SPIDR: variants seen among roughly 807,000 people sequenced by gnomAD.
SPIDR encodes scaffold protein involved in DNA repair, also known as DNA repair-scaffolding protein.
SPIDR carries 93 observed loss-of-function variants against 104.6 expected under a neutral mutation model. The observed-to-expected ratio is 0.89, with a 90% CI of 0.75 to 1.06. SPIDR has a LOEUF of 1.06. SPIDR is among the 50% of genes least tolerant of loss of function. SPIDR has a pLI of 0.00. For synonymous variants in SPIDR, 431 were observed against 416.9 expected, an observed-to-expected ratio of 1.03 and a Z score of -0.41; for missense variants, 1,154 against 1,111.2, an observed-to-expected ratio of 1.04 and a Z score of -0.55.
At chr8:47,641,230 G>T (rs2068925966) in intron 10 of SPIDR, among the ~76,000 whole-genome samples, 1 of 151,958 alleles carries the variant, frequency 6.6e-6, no homozygotes, top group African/African-American at 2.4e-5. Context: ...CATGATCATA[G>T]CTTACGGCAC....
chr8:47,371,314 A>G (rs1046677936), intron 5 of SPIDR, among the ~76,000 whole-genome samples: 5 of 152,130 alleles, frequency 3.3e-5, no homozygotes, highest in Admixed American at 1.3e-4. Context: ...AGCATGGACA[A>G]CCTGGGCTCA....
At chr8:47,335,712 A>G (rs1007800442) in intron 5 of SPIDR, among the ~76,000 whole-genome samples, 9 of 152,270 alleles carry the variant, frequency 5.9e-5, no homozygotes, top group Non-Finnish European at 8.8e-5. Flanking sequence ...CGGCCTCCCA[A>G]AGTGGGGATT....
intron 5 of SPIDR, among the ~76,000 whole-genome samples, chr8:47,348,271 T>G (rs1306526853): frequency 1.3e-5 from 2 of 152,220 alleles, no homozygotes; most frequent in Non-Finnish European, 2.9e-5. Context: ...TGTTGAATAT[T>G]GGCCCCCACT....
intron 16 of SPIDR, among the ~76,000 whole-genome samples, chr8:47,721,073 A>G (rs558247179): frequency 1.3e-5 from 2 of 152,160 alleles, no homozygotes; most frequent in Non-Finnish European, 2.9e-5. Flanking sequence ...CATACTCTTA[A>G]TAAGTCTTTT....
At chr8:47,445,478 GAC>G (rs1159663023) in intron 8 of SPIDR, among the ~76,000 whole-genome samples, 18 of 152,232 alleles carry the variant, frequency 1.2e-4, no homozygotes, top group African/African-American at 4.3e-4. Context: ...TATTCCATGA[GAC>G]ACAACAGTAT....
At chr8:47,411,387 G>A (rs190698173) in intron 7 of SPIDR, among the ~76,000 whole-genome samples, 2,744 of 152,268 alleles carry the variant, frequency 0.018, 83 homozygotes, top group African/African-American at 0.064. Context: ...TTGTGGTTTC[G>A]ATTTGCATTT....
At chr8:47,660,463 A>G (rs1231152930) in intron 10 of SPIDR, 2 of 985,318 alleles carry the variant, frequency 2.0e-6, no homozygotes, top group Non-Finnish European at 2.4e-6. Context: ...CTCATGGCTC[A>G]GAAATGCACA....
At chr8:47,593,759 C>T (rs1363874553) in intron 8 of SPIDR, among the ~76,000 whole-genome samples, 1 of 152,190 alleles carries the variant, frequency 6.6e-6, no homozygotes, top group African/African-American at 2.4e-5. Context: ...CTCCTTGTTC[C>T]TGCTGGGCAG....
At chr8:47,422,275 C>A (rs2065635837) in intron 7 of SPIDR, among the ~76,000 whole-genome samples, 1 of 152,162 alleles carries the variant, frequency 6.6e-6, no homozygotes, top group African/African-American at 2.4e-5. Flanking sequence ...AGCTTCCTGG[C>A]TGCTTTGTTT....
intron 10 of SPIDR, among the ~76,000 whole-genome samples, chr8:47,606,165 G>A (rs1376421575): frequency 2.6e-5 from 4 of 152,126 alleles, no homozygotes; most frequent in Non-Finnish European, 4.4e-5. Flanking sequence ...TAATGCTGGG[G>A]CCAGTGTTGA....
chr8:47,414,932 C>T (rs943785311), intron 7 of SPIDR, among the ~76,000 whole-genome samples: 1 of 152,062 alleles, frequency 6.6e-6, no homozygotes, highest in Non-Finnish European at 1.5e-5. Flanking sequence ...GAGGCAGAGT[C>T]TCGCTCTGTT....
intron 10 of SPIDR, among the ~76,000 whole-genome samples, chr8:47,646,564 A>G (rs72646372): frequency 0.12 from 18,603 of 152,276 alleles, 1,696 homozygotes; most frequent in African/African-American, 0.23. Flanking sequence ...GTAGAATACT[A>G]TGCAGCTCTC....
In SPIDR at chr8:47,279,984, T is replaced by A; in HGVS notation, c.156T>A (p.Cys52Ter). ...AASLSEAWLRCGEGFQNTSGN... is the reference protein window; with the variant it reads ...AASLSEAWLR ...CTCTCTCTGAAGCATGGCTCAGGTG[T>A]GGAGAAGGGTTTCAGAACACTTCTG... The change falls in exon 2 of 20, where the codon TGT becomes TGA. Residue 52 changes from cysteine (C) to a stop codon, truncating the protein, a stop_gained. Transcript: ENST00000297423. LOFTEE classifies it high-confidence loss of function. 6.2e-7 allele frequency: 1 copy of A among 1,614,096 alleles called. No homozygotes were observed. The highest frequency in any genetic ancestry group is 8.5e-7 in the Non-Finnish European group (1 of 1,179,976).
chr8:47,661,276 C>G (rs1221126374), intron 10 of SPIDR, among the ~76,000 whole-genome samples: 5 of 152,210 alleles, frequency 3.3e-5, no homozygotes, highest in South Asian at 2.1e-4. Flanking sequence ...CATGGCTGTT[C>G]TAAGCACTTA....
intron 10 of SPIDR, among the ~76,000 whole-genome samples, chr8:47,614,069 G>T (rs891775391): frequency 6.6e-6 from 1 of 151,970 alleles, no homozygotes; most frequent in Non-Finnish European, 1.5e-5. Flanking sequence ...CCTTCCCTGT[G>T]TCCATAAGTT....
intron 10 of SPIDR, among the ~76,000 whole-genome samples, chr8:47,656,087 T>A (rs2072750882): frequency 6.6e-6 from 1 of 152,220 alleles, no homozygotes; most frequent in African/African-American, 2.4e-5. Flanking sequence ...ACAGATCTAA[T>A]GTAAGAACTA....
rs782300923 is a variant in SPIDR at position 47,440,411 on chromosome 8, G to C, written c.966G>C (p.Gly322=). ...MQVAMCEQLL[G]SPATSSSQSV... is the part of the protein sequence containing the mutation. The stretch of plus-strand genomic sequence containing the variant: ...TTGCCATGTGTGAGCAGTTATTGGG[G>C]TCACCAGCCACCAGCTCCTCCCAAA... Residue 322 remains glycine, a synonymous_variant, in exon 8 of 20, where the codon GGG becomes GGC. Coordinates refer to ENST00000297423, the MANE Select transcript of SPIDR (RefSeq NM_001080394.4). 6.2e-7 allele frequency: 1 copy of C among 1,614,200 alleles called. No individual in the cohort carries two copies. Among genetic ancestry groups the C allele is most frequent in the Non-Finnish European group, 8.5e-7 (1 of 1,180,028 alleles).
rs60518877 is a variant in SPIDR, at chr8:47,493,042, AGTGTGT to A, written c.1097+52531_1097+52536del. Among the ~76,000 whole-genome samples the A allele has an allele frequency of 1.5e-3, 204 of 140,614 alleles. 2 individuals carry two copies. Among genetic ancestry groups the A allele is most frequent in the African/African-American group, 2.8e-3 (106 of 38,340 alleles). 92.2% of individuals were successfully genotyped at this position (140,614 alleles called of 152,430 possible). ...GAGAGAGAGAGAGAGAGAGAGAGTG[AGTGTGT>A]GTGTGTGTGTGTGTGTGTGTGTGTG... On this transcript the variant is annotated intron_variant, in intron 8 of 19. Transcript: ENST00000297423.
intron 16 of SPIDR, among the ~76,000 whole-genome samples, chr8:47,714,739 G>C (rs1190787529): frequency 3.3e-5 from 5 of 152,156 alleles, no homozygotes; most frequent in Admixed American, 3.3e-4. Flanking sequence ...CAGGTGGGGG[G>C]AGAGGTCAAA....
Sources: gnomAD v4.1 joint callset for allele counts (sites outside exome capture counted in the v4.1 genomes callset) on GRCh38, gnomAD v4.1.1 for gene constraint, MANE v1.5 for transcripts, NCBI Gene and HGNC (gene_info 2026-07-23, HGNC 2026-07-21) for gene names.